Variants in CHST15 observed in about 807,000 individuals in gnomAD.
The protein encoded by CHST15 is B cell RAG associated protein (GALNAC4S-6ST).
Under a neutral mutation model 53.6 loss-of-function variants are expected in CHST15, and 30 were observed. That is an observed-to-expected ratio of 0.56 (90% CI 0.42 to 0.76). CHST15 has a LOEUF of 0.76. Among genes scored for constraint, CHST15 ranks in the 30% least tolerant of loss-of-function variants. The pLI is 0.00. For synonymous variants in CHST15, 296 were observed against 289.8 expected, an observed-to-expected ratio of 1.02 and a Z score of -0.22; for missense variants, 627 against 740.5, an observed-to-expected ratio of 0.85 and a Z score of 1.78.
In CHST15 at chr10:124,045,112, C is replaced by CAAAAAAAAAAAAAAAAAAAAAAAAAAA. The variant is rs758243657; in HGVS notation, c.547-220_547-194dup. Among the ~76,000 whole-genome samples, 41 of 33,762 alleles carry CAAAAAAAAAAAAAAAAAAAAAAAAAAA rather than the reference C, an allele frequency of 1.2e-3. 2 individuals are homozygous for CAAAAAAAAAAAAAAAAAAAAAAAAAAA. Among genetic ancestry groups the CAAAAAAAAAAAAAAAAAAAAAAAAAAA allele is most frequent in the South Asian group, 3.6e-3 (2 of 554 alleles). 22.1% of individuals were successfully genotyped at this position (33,762 alleles called of 152,430 possible). On this transcript the variant is annotated intron_variant, in intron 2 of 7. Transcript: ENST00000435907. ...TGCTTTCCTCTCCCCCGCCGCCCCACAAAAAAAAAAAAAAAAAAAAAAAAA... is the reference window on the plus strand; with the variant it reads ...TGCTTTCCTCTCCCCCGCCGCCCCACAAAAAAAAAAAAAAAAAAAAAAAAAAAAAAAAAAAAAAAAAAAAAAAAAAAA...
At chr10:124,061,091 A>C (rs191287830) in intron 1 of CHST15, among the ~76,000 whole-genome samples, 16 of 152,310 alleles carry the variant, frequency 1.1e-4, no homozygotes, top group Admixed American at 2.6e-4. Context: ...CCTAAATCAC[A>C]CTGTAAGTAA....
intron 5 of CHST15, among the ~76,000 whole-genome samples, chr10:124,034,098 G>A (rs1186839139): frequency 1.3e-5 from 2 of 152,188 alleles, no homozygotes; most frequent in Non-Finnish European, 2.9e-5. Context: ...CTACCAGGGG[G>A]TAGGCACTGG....
chr10:124,041,653 C>T (rs1003493269), intron 4 of CHST15, among the ~76,000 whole-genome samples: 6 of 152,108 alleles, frequency 3.9e-5, no homozygotes, highest in Non-Finnish European at 8.8e-5. Flanking sequence ...TCACAGTATG[C>T]TGTACACCTT....
intron 1 of CHST15, among the ~76,000 whole-genome samples, chr10:124,090,818 G>A (rs1339565585): frequency 6.6e-6 from 1 of 152,210 alleles, no homozygotes; most frequent in South Asian, 2.1e-4. Context: ...GACCACTGTG[G>A]GCCGACCTGC....
intron 5 of CHST15, among the ~76,000 whole-genome samples, chr10:124,032,794 T>C (rs1161389055): frequency 7.4e-6 from 1 of 135,440 alleles, no homozygotes; most frequent in Non-Finnish European, 1.5e-5. Context: ...TTTCCATTAT[T>C]CCTCTGTTCT....
chr10:124,021,247 G>GGC lies in CHST15; in HGVS notation c.1347+8_1347+9insGC. The GGC allele has an allele frequency of 1.3e-6, 2 of 1,543,152 alleles. No individual in the cohort carries two copies. Among genetic ancestry groups the GGC allele is most frequent in the Admixed American group, 1.7e-5 (1 of 57,714 alleles). ...CAGCTCGGGGGGTACGGGGGGGGGG[G>GGC]GTACACACAGGCATGGCGTTGTTGA... On this transcript the variant is annotated intron_variant, in intron 6 of 7. Transcript: ENST00000435907.
At chr10:124,049,406 C>T (rs1304776665) in intron 1 of CHST15, among the ~76,000 whole-genome samples, 1 of 152,132 alleles carries the variant, frequency 6.6e-6, no homozygotes, top group African/African-American at 2.4e-5. Context: ...CAGGATAGCT[C>T]CAGGATGGAG....
chr10:124,047,493 A>C (rs1007009037), intron 1 of CHST15, among the ~76,000 whole-genome samples: 8 of 152,222 alleles, frequency 5.3e-5, no homozygotes, highest in African/African-American at 1.9e-4. Flanking sequence ...GTGGTTATAA[A>C]ATATATTGTT....
intron 1 of CHST15, among the ~76,000 whole-genome samples, chr10:124,049,032 A>G (rs997817446): frequency 2.5e-4 from 38 of 152,190 alleles, no homozygotes; most frequent in African/African-American, 9.2e-4. Context: ...TCCTAAACAG[A>G]AAGACCTGAG....
chr10:124,056,866 C>T (rs375908951), intron 1 of CHST15, among the ~76,000 whole-genome samples: 1 of 149,868 alleles, frequency 6.7e-6, no homozygotes, highest in East Asian at 2.0e-4. Context: ...CCTGCCTGTA[C>T]GACCGGACAC....
In CHST15 at chr10:124,019,938, T is replaced by G; in HGVS notation, c.1347+1318A>C. ...CACTGGGCCTCTGCACACGCTGCTCTCAGTTCCCTGGCCAACTCTCCTTCA... is the reference window on the plus strand; with the variant it reads ...CACTGGGCCTCTGCACACGCTGCTCGCAGTTCCCTGGCCAACTCTCCTTCA... On this transcript the variant is annotated intron_variant, in intron 6 of 7. Coordinates refer to ENST00000435907, the MANE Select transcript of CHST15 (RefSeq NM_001270764.2). The surrounding 1 kb of genome is among the most constrained non-coding windows in gnomAD (Gnocchi z 4.6). 1 of 985,908 alleles carries G rather than the reference T, an allele frequency of 1.0e-6. No homozygotes were observed. Among genetic ancestry groups the G allele is most frequent in the Non-Finnish European group, 1.2e-6 (1 of 830,276 alleles). 61.1% of individuals were successfully genotyped at this position (985,908 alleles called of 1,614,324 possible).
intron 5 of CHST15, among the ~76,000 whole-genome samples, chr10:124,023,670 T>G (rs1383802008): frequency 6.6e-6 from 1 of 152,036 alleles, no homozygotes; most frequent in Non-Finnish European, 1.5e-5. Flanking sequence ...ACTGGGCTTA[T>G]GAAAAACATG....
intron 1 of CHST15, among the ~76,000 whole-genome samples, chr10:124,075,290 C>G (rs932881744): frequency 3.9e-5 from 6 of 152,194 alleles, no homozygotes; most frequent in South Asian, 2.1e-4. Flanking sequence ...CCTCCCTCCA[C>G]ACATCTGAGG....
intron 1 of CHST15, among the ~76,000 whole-genome samples, chr10:124,089,797 C>A (rs969044900): frequency 6.6e-6 from 1 of 152,204 alleles, no homozygotes; most frequent in Non-Finnish European, 1.5e-5. Context: ...TGTCTGTCTA[C>A]ACAGCCAATT....
In CHST15 at chr10:124,071,868, C is replaced by T. The variant is rs192405483; in HGVS notation, c.-513+21601G>A. Among the ~76,000 whole-genome samples the T allele has an allele frequency of 5.5e-4, 84 of 152,226 alleles. No homozygotes were observed. The East Asian group carries it at 0.01, about 19-fold the overall frequency. Reference sequence around the variant, plus strand: ...AATGAGATGTAAAATTTCCATTCTTCGGCCGTCCTAGTCACATTTCAAGCA... The same window carrying T: ...AATGAGATGTAAAATTTCCATTCTTTGGCCGTCCTAGTCACATTTCAAGCA... On this transcript the variant is annotated intron_variant, in intron 1 of 7. Transcript: ENST00000435907.
chr10:124,029,842 C>T (rs1461873459), intron 5 of CHST15, among the ~76,000 whole-genome samples: 2 of 152,206 alleles, frequency 1.3e-5, no homozygotes, highest in Non-Finnish European at 2.9e-5. Context: ...CCCAGAACTC[C>T]GGGTGAGACA....
At position 124,034,708 on chromosome 10, in the gene CHST15, G is replaced by A. The variant is rs538808005; in HGVS notation, c.1190+3807C>T. On this transcript the variant is annotated intron_variant, in intron 5 of 7. Transcript: ENST00000435907. ...GGGACCCCGGCTCCACCCCCTAACA[G>A]GGACCCCGGCTCCACCCCCTAACAG... Among the ~76,000 whole-genome samples the A allele has an allele frequency of 2.8e-5, 4 of 143,086 alleles. No homozygotes were observed. The East Asian group carries it at 8.4e-4, about 30-fold the overall frequency. 93.9% of individuals were successfully genotyped at this position (143,086 alleles called of 152,430 possible).
chr10:124,085,223 G>A (rs756010254), intron 1 of CHST15, among the ~76,000 whole-genome samples: 2 of 152,234 alleles, frequency 1.3e-5, no homozygotes, highest in South Asian at 4.1e-4. Context: ...AAAGGAGCAT[G>A]GAACTTGAAG....
intron 1 of CHST15, among the ~76,000 whole-genome samples, chr10:124,059,225 T>A (rs1948479432): frequency 6.6e-6 from 1 of 152,202 alleles, no homozygotes; most frequent in Admixed American, 6.5e-5. Context: ...GCCCAGGATG[T>A]TTAATACATG....
Sources: gnomAD v4.1 joint callset for allele counts (sites outside exome capture counted in the v4.1 genomes callset) on GRCh38, gnomAD v4.1.1 for gene constraint, Gnocchi (gnomAD v3.1) non-coding constraint, MANE v1.5 for transcripts, NCBI Gene and HGNC (gene_info 2026-07-23, HGNC 2026-07-21) for gene names.